Variants in PTPRD observed in about 807,000 individuals in gnomAD.
PTPRD encodes the protein receptor-type tyrosine-protein phosphatase delta.
Under a neutral mutation model 214.5 loss-of-function variants are expected in PTPRD, and 34 were observed. The ratio of observed to expected loss-of-function variants is 0.16; its 90% CI spans 0.12 to 0.21. The LOEUF is 0.21. PTPRD is among the 10% of genes least tolerant of loss of function. The pLI, the probability that PTPRD is intolerant of heterozygous loss-of-function variation, is 1.00. For missense variants in PTPRD, 2,545 were observed against 2,398.7 expected (o/e 1.06, Z -1.27); for synonymous variants, 1,128 against 845.7 (o/e 1.33, Z -5.79).
intron 35 of PTPRD, among the ~76,000 whole-genome samples, chr9:8,404,945 C>T (rs1208715070): frequency 1.3e-5 from 2 of 152,140 alleles, no homozygotes; most frequent in Non-Finnish European, 2.9e-5. Flanking sequence ...TTTACTTTTC[C>T]ATTTCCCTCT....
chr9:9,368,760 A>G (rs1039031682), intron 9 of PTPRD, among the ~76,000 whole-genome samples: 1 of 151,702 alleles, frequency 6.6e-6, no homozygotes, highest in Non-Finnish European at 1.5e-5. Context: ...ATCTTTTTTT[A>G]AATTTTATTA....
chr9:8,767,438 AT>A (rs752214356), intron 11 of PTPRD, among the ~76,000 whole-genome samples: 4 of 152,054 alleles, frequency 2.6e-5, no homozygotes, highest in Admixed American at 6.6e-5. Context: ...TTGAACCAGT[AT>A]TTCCCCTTGT....
intron 37 of PTPRD, among the ~76,000 whole-genome samples, chr9:8,383,549 C>A (rs1392522): frequency 6.6e-6 from 1 of 152,010 alleles, no homozygotes; most frequent in Non-Finnish European, 1.5e-5. Context: ...TAATATATGG[C>A]ATCATCTGGT....
intron 11 of PTPRD, among the ~76,000 whole-genome samples, chr9:8,924,819 T>C (rs1002003893): frequency 6.6e-5 from 10 of 152,160 alleles, no homozygotes; most frequent in African/African-American, 2.2e-4. Context: ...TTTCTTGGAA[T>C]ATTTCTCTGA....
chr9:8,941,040 C>A (rs2099030888), intron 11 of PTPRD, among the ~76,000 whole-genome samples: 1 of 152,136 alleles, frequency 6.6e-6, no homozygotes, highest in Admixed American at 6.5e-5. Context: ...GCAGTAATAA[C>A]CCATCAGGAA....
In PTPRD at chr9:8,521,753, T is replaced by G. The variant is rs529444292; in HGVS notation, c.692-207A>C. Among the ~76,000 whole-genome samples, 6 of 152,328 alleles carry G rather than the reference T, an allele frequency of 3.9e-5. No individual in the cohort carries two copies. In the East Asian group the frequency reaches 9.7e-4, roughly 25 times the overall value. On this transcript the variant is annotated intron_variant, in intron 19 of 45. Transcript: ENST00000381196. ...CAGAATTATTTATTTAGTTTAGTCA[T>G]TGATATCTTAGACACACTAATACAA...
rs956462716 is a variant in PTPRD at position 8,733,312 on chromosome 9, A to G, written c.64+468T>C. Among the ~76,000 whole-genome samples, 10 of 152,108 alleles carry G rather than the reference A, an allele frequency of 6.6e-5. No homozygotes were observed. The South Asian group carries it at 1.0e-3, about 16-fold the overall frequency. On this transcript the variant is annotated intron_variant, in intron 12 of 45. Coordinates refer to ENST00000381196, the MANE Select transcript of PTPRD (RefSeq NM_002839.4). ...CGACGACAGCTGTCGGAAACAGTAC[A>G]TTAGAACAGCTGCTATGACAGCTAC...
rs1245363930 is a variant in PTPRD, at chr9:9,552,280, G to A, written c.-237+22452C>T. Among the ~76,000 whole-genome samples the A allele has an allele frequency of 2.0e-5, 3 of 152,080 alleles. 1 individual carries two copies. In the South Asian group the frequency reaches 6.2e-4, roughly 32 times the overall value. ...GCAGTACATAAAGAGTATTGAAGAA[G>A]GAAGTGATTTTAATTTCAAGTCAGT... On this transcript the variant is annotated intron_variant, in intron 8 of 45. Transcript: ENST00000381196.
In PTPRD at chr9:9,503,406, A is replaced by G. The variant is rs187167999; in HGVS notation, c.-237+71326T>C. The stretch of plus-strand genomic sequence containing the variant: ...CATTTTTTAGTGTCTTTATGAAATA[A>G]GATCTGTTTCTCACACTACACATGC... On this transcript the variant is annotated intron_variant, in intron 8 of 45. Coordinates refer to ENST00000381196, the MANE Select transcript of PTPRD (RefSeq NM_002839.4). Among the ~76,000 whole-genome samples the G allele has an allele frequency of 3.4e-3, 513 of 151,800 alleles. 1 individual carries two copies. The highest frequency in any genetic ancestry group is 4.9e-3 in the Non-Finnish European group (330 of 67,780).
At chr9:10,202,671 GATATATATAT>G (rs77962535) in intron 3 of PTPRD, among the ~76,000 whole-genome samples, 11 of 113,128 alleles carry the variant, frequency 9.7e-5, no homozygotes, top group East Asian at 2.7e-4. Context: ...AAATTATATG[GATATATATAT>G]ATATATATAT....
intron 2 of PTPRD, among the ~76,000 whole-genome samples, chr9:10,542,790 C>T (rs1024387067): frequency 6.6e-5 from 10 of 152,226 alleles, no homozygotes; most frequent in Admixed American, 5.9e-4. Context: ...GTGATCTTGG[C>T]TCACCACAAC....
At chr9:9,069,959 C>T (rs187946413) in intron 10 of PTPRD, among the ~76,000 whole-genome samples, 27 of 152,278 alleles carry the variant, frequency 1.8e-4, no homozygotes, top group Admixed American at 1.3e-3. Flanking sequence ...GAAAAAAAGG[C>T]TTTCTCCTAG....
chr9:8,726,018 G>GACACAC (rs1434692999), intron 12 of PTPRD, among the ~76,000 whole-genome samples: 2 of 133,162 alleles, frequency 1.5e-5, no homozygotes, highest in African/African-American at 7.0e-5. Context: ...CAGACAGACA[G>GACACAC]ACAGACAGAC....
intron 12 of PTPRD, among the ~76,000 whole-genome samples, chr9:8,694,649 C>T (rs2097871199): frequency 6.6e-6 from 1 of 152,176 alleles, no homozygotes; most frequent in Non-Finnish European, 1.5e-5. Flanking sequence ...TGTGCTTAGA[C>T]ATTTTTACCC....
intron 32 of PTPRD, among the ~76,000 whole-genome samples, chr9:8,461,032 T>C (rs1033345982): frequency 1.4e-4 from 22 of 152,180 alleles, no homozygotes; most frequent in African/African-American, 2.9e-4. Context: ...ATATTTACAA[T>C]GCAAAATAAG....
intron 8 of PTPRD, among the ~76,000 whole-genome samples, chr9:9,451,672 C>G (rs984082532): frequency 6.6e-6 from 1 of 151,362 alleles, no homozygotes; most frequent in Non-Finnish European, 1.5e-5. Flanking sequence ...AAATTAACAA[C>G]CAAACAAAAG....
intron 35 of PTPRD, among the ~76,000 whole-genome samples, chr9:8,405,758 T>C (rs1383812328): frequency 2.0e-5 from 3 of 152,154 alleles, no homozygotes; most frequent in Non-Finnish European, 4.4e-5. Context: ...TTTTAAAATA[T>C]ACTCTATTAT....
At chr9:9,493,981 A>G (rs1297029428) in intron 8 of PTPRD, among the ~76,000 whole-genome samples, 2 of 152,112 alleles carry the variant, frequency 1.3e-5, no homozygotes, top group Non-Finnish European at 2.9e-5. Flanking sequence ...CAAAATATCA[A>G]CCGTAACAGA....
intron 11 of PTPRD, among the ~76,000 whole-genome samples, chr9:8,871,506 C>T (rs954439485): frequency 6.6e-6 from 1 of 152,146 alleles, no homozygotes; most frequent in Non-Finnish European, 1.5e-5. Context: ...TAGACTTCAG[C>T]AGACTTTATA....
Sources: gnomAD v4.1 joint callset for allele counts (sites outside exome capture counted in the v4.1 genomes callset) on GRCh38, gnomAD v4.1.1 for gene constraint, MANE v1.5 for transcripts, NCBI Gene and HGNC (gene_info 2026-07-23, HGNC 2026-07-21) for gene names.